Variants in ATG101 observed in about 807,000 individuals in gnomAD.
ATG101 encodes autophagy related 101, also known as autophagy-related protein 101.
ATG101 carries 6 observed loss-of-function variants against 16.7 expected under a neutral mutation model. That is an observed-to-expected ratio of 0.36 (90% CI 0.20 to 0.71). The LOEUF (loss-of-function observed/expected upper bound fraction) is 0.71, where lower values mean the gene tolerates loss of function less well. ATG101 is among the 30% of genes least tolerant of loss of function. The pLI, the probability that ATG101 is intolerant of heterozygous loss-of-function variation, is 0.57. For missense variants in ATG101, 200 were observed against 292.5 expected (o/e 0.68, Z 2.31); for synonymous variants, 108 against 118.1 (o/e 0.91, Z 0.56).
upstream of ATG101, among the ~76,000 whole-genome samples, chr12:52,065,860 C>T (rs762203221): frequency 2.6e-5 from 4 of 152,098 alleles, no homozygotes; most frequent in Admixed American, 2.6e-4. Context: ...ACATATGTGG[C>T]GGCAGAAAGA....
chr12:52,070,021 C>T lies in ATG101; in HGVS notation c.-428C>T, dbSNP rs574007179. On this transcript the variant is annotated 5_prime_UTR_variant, in exon 1 of 4. Coordinates refer to ENST00000336854, the MANE Select transcript of ATG101 (RefSeq NM_021934.5). ...CCGACCCAGGTGGTCTGGAGCCTGCCGGGAGAGTGGTGGCATCTGAGAGGC... is the reference window on the plus strand; with the variant it reads ...CCGACCCAGGTGGTCTGGAGCCTGCTGGGAGAGTGGTGGCATCTGAGAGGC... 1.9e-3 allele frequency: 294 copies of T among 152,506 alleles called. No homozygotes were observed. Among genetic ancestry groups the T allele is most frequent in the Non-Finnish European group, 3.4e-3 (235 of 68,224 alleles). The allele number at this position is 152,506 out of a possible 1,614,324, so 9.4% of individuals were successfully genotyped here. A position where few individuals can be genotyped will look rare whatever the true frequency, so the allele number is the denominator to read the frequency against.
intron 3 of ATG101, 52 bp from the exon 4 acceptor site, chr12:52,076,734 A>G (rs1666917627): frequency 6.3e-7 from 1 of 1,580,654 alleles, no homozygotes; most frequent in African/African-American, 1.3e-5. Flanking sequence ...GCAGGCCCTC[A>G]CAGGTGGGAA....
chr12:52,074,169 G>A (rs1159906216), intron 3 of ATG101, among the ~76,000 whole-genome samples: 3 of 152,228 alleles, frequency 2.0e-5, no homozygotes, highest in East Asian at 1.9e-4. Context: ...CAGTGTTGGC[G>A]GCCAGGTCCC....
At chr12:52,065,820 C>T (rs1260791747), upstream of ATG101, among the ~76,000 whole-genome samples, 1 of 152,184 alleles carries the variant, frequency 6.6e-6, no homozygotes, top group Non-Finnish European at 1.5e-5. Flanking sequence ...CATAGACACA[C>T]ATAATGTAGA....
At chr12:52,069,363 T>A (rs1276524049), upstream of ATG101, 1 of 152,258 alleles carries the variant, frequency 6.6e-6, no homozygotes, top group Admixed American at 6.5e-5. Context: ...AAGGCAACAC[T>A]GAGAGATGAA....
In ATG101 at chr12:52,070,389, A is replaced by C. The variant is rs1333631038; in HGVS notation, c.-171A>C. ...GTGGCTCAGCGCCGTGCGGAGGTTG[A>C]AGCGTACCTGCGGAGGTCGCACCAG... On this transcript the variant is annotated 5_prime_UTR_variant, in exon 2 of 4. Coordinates refer to ENST00000336854, the MANE Select transcript of ATG101 (RefSeq NM_021934.5). The C allele has an allele frequency of 6.5e-6, 1 of 152,898 alleles. No individual in the cohort carries two copies. Among genetic ancestry groups the C allele is most frequent in the Non-Finnish European group, 1.5e-5 (1 of 68,276 alleles). The allele number at this position is 152,898 out of a possible 1,614,324, so 9.5% of individuals were successfully genotyped here. A position where few individuals can be genotyped will look rare whatever the true frequency, so the allele number is the denominator to read the frequency against.
rs1322990046 is a variant in ATG101, at chr12:52,077,270, C to T, written c.*80C>T. On this transcript the variant is annotated 3_prime_UTR_variant, in exon 4 of 4. Coordinates refer to ENST00000336854, the MANE Select transcript of ATG101 (RefSeq NM_021934.5). The stretch of plus-strand genomic sequence containing the variant: ...AATTGCACTTTTGGGCCTTTGGGCT[C>T]TGGAACCTGCTCTGGGTCATTGGTG... 1 of 1,473,970 alleles carries T rather than the reference C, an allele frequency of 6.8e-7. No individual in the cohort carries two copies. The highest frequency in any genetic ancestry group is 1.4e-5 in the African/African-American group (1 of 71,448). 91.3% of individuals were successfully genotyped at this position (1,473,970 alleles called of 1,614,324 possible).
upstream of ATG101, among the ~76,000 whole-genome samples, chr12:52,067,504 A>G (rs1436488132): frequency 1.3e-5 from 2 of 152,212 alleles, no homozygotes; most frequent in Admixed American, 1.3e-4. Flanking sequence ...CCATAGTGGC[A>G]AAGAGCTTTC....
At chr12:52,075,851 C>CT (rs1034211604) in intron 3 of ATG101, among the ~76,000 whole-genome samples, 12 of 152,178 alleles carry the variant, frequency 7.9e-5, no homozygotes, top group African/African-American at 2.9e-4. Flanking sequence ...ACAGTTCCCT[C>CT]TTCCTTAGCT....
chr12:52,070,048 G>A lies in ATG101; in HGVS notation c.-401G>A, dbSNP rs1939616351. 1 of 152,520 alleles carries A rather than the reference G, an allele frequency of 6.6e-6. No homozygotes were observed. The highest frequency in any genetic ancestry group is 1.5e-5 in the Non-Finnish European group (1 of 68,198). 9.4% of individuals were successfully genotyped at this position (152,520 alleles called of 1,614,324 possible). A position where few individuals can be genotyped will look rare whatever the true frequency, so the allele number is the denominator to read the frequency against. Reference sequence around the variant, plus strand: ...GGAGAGTGGTGGCATCTGAGAGGCTGGTCGTGGACTGTGGTTGGGGGAGGT... The same window carrying A: ...GGAGAGTGGTGGCATCTGAGAGGCTAGTCGTGGACTGTGGTTGGGGGAGGT... On this transcript the variant is annotated 5_prime_UTR_variant, in exon 1 of 4. Coordinates refer to ENST00000336854, the MANE Select transcript of ATG101 (RefSeq NM_021934.5).
chr12:52,077,219 A>G lies in ATG101; in HGVS notation c.*29A>G. On this transcript the variant is annotated 3_prime_UTR_variant, in exon 4 of 4. Transcript: ENST00000336854. ...TCGCTGGATCTCTGGGAGCTCCTTGATGGCTCCCAGACCTTGGCTTTTGGG... is the reference window on the plus strand; with the variant it reads ...TCGCTGGATCTCTGGGAGCTCCTTGGTGGCTCCCAGACCTTGGCTTTTGGG... The G allele has an allele frequency of 6.2e-7, 1 of 1,603,630 alleles. No homozygotes were observed. The highest frequency in any genetic ancestry group is 1.7e-5 in the Admixed American group (1 of 59,644).
Position 52,073,852 on chromosome 12 carries a change from T to A in ATG101, c.202T>A (p.Ser68Thr). 1.2e-6 allele frequency: 2 copies of A among 1,614,238 alleles called. No homozygotes were observed. Among genetic ancestry groups the A allele is most frequent in the Non-Finnish European group, 1.7e-6 (2 of 1,180,034 alleles). ...DFIDFTYVRV[S>T]SEELDRALRK... Reference sequence around the variant, plus strand: ...CATCGACTTCACTTATGTGCGTGTCTCTTCTGAGGAACTGGATCGTGCCCT... The same window carrying A: ...CATCGACTTCACTTATGTGCGTGTCACTTCTGAGGAACTGGATCGTGCCCT... The change falls in exon 3 of 4, where the codon TCT becomes ACT. Residue 68 changes from serine (S) to threonine (T), a missense_variant. Coordinates refer to ENST00000336854, the MANE Select transcript of ATG101 (RefSeq NM_021934.5).
intron 3 of ATG101, 132 bp from the exon 4 acceptor site, chr12:52,076,654 A>C: frequency 9.0e-7 from 1 of 1,111,016 alleles, no homozygotes; most frequent in Non-Finnish European, 1.3e-6. Flanking sequence ...ACCCTCTCCC[A>C]GTCTTGTTTC....
chr12:52,067,104 G>C (rs899366327), upstream of ATG101, among the ~76,000 whole-genome samples: 2 of 152,198 alleles, frequency 1.3e-5, no homozygotes, highest in Non-Finnish European at 2.9e-5. Flanking sequence ...GAAGGGAAGA[G>C]GATAGGGAGC....
Position 52,073,828 on chromosome 12 carries a change from A to G in ATG101, c.178A>G (p.Ile60Val), listed in dbSNP as rs1392259644. Reference protein sequence around the residue: ...VGTQDVDCDFIDFTYVRVSSE... With the variant: ...VGTQDVDCDFVDFTYVRVSSE... ...CACCCAGGATGTTGACTGTGACTTCATCGACTTCACTTATGTGCGTGTCTC... is the reference window on the plus strand; with the variant it reads ...CACCCAGGATGTTGACTGTGACTTCGTCGACTTCACTTATGTGCGTGTCTC... Residue 60 changes from isoleucine to valine, a missense_variant, in exon 3 of 4, where the codon ATC (isoleucine) becomes GTC (valine). Ile to Val is a conservative substitution (Grantham distance 29, BLOSUM62 3). Transcript: ENST00000336854. 6.2e-7 allele frequency: 1 copy of G among 1,614,090 alleles called. No homozygotes were observed. Among genetic ancestry groups the G allele is most frequent in the African/African-American group, 1.3e-5 (1 of 74,920 alleles).
Position 52,073,582 on chromosome 12 carries a change from C to T in ATG101, c.-69C>T. 6.4e-7 allele frequency: 1 copy of T among 1,565,644 alleles called. No homozygotes were observed. Among genetic ancestry groups the T allele is most frequent in the African/African-American group, 1.4e-5 (1 of 73,722 alleles). ...CCTGGGCTCCTTTTGCAGGGTGGCC[C>T]TTGGGTAGGGTGAAGATCCCCTGTC... On this transcript the variant is annotated 5_prime_UTR_variant, in exon 3 of 4. Transcript: ENST00000336854.
chr12:52,075,064 C>G (rs1478701471), intron 3 of ATG101, among the ~76,000 whole-genome samples: 1 of 152,214 alleles, frequency 6.6e-6, no homozygotes, highest in East Asian at 1.9e-4. Context: ...CTGAAGGCAT[C>G]TGCTCTGGGG....
chr12:52,067,753 AT>A (rs60759494), upstream of ATG101, among the ~76,000 whole-genome samples: 210 of 140,568 alleles, frequency 1.5e-3, no homozygotes, highest in Middle Eastern at 0.022. Flanking sequence ...AAGCTTGGCT[AT>A]TTTTTTTTTT....
Position 52,076,978 on chromosome 12 carries a change from T to C in ATG101, c.445T>C (p.Cys149Arg), listed in dbSNP as rs778705816. Residue 149 changes from cysteine (C) to arginine (R), a missense_variant, in exon 4 of 4, where the codon TGC (cysteine) becomes CGC (arginine). Physicochemically the swap from Cys to Arg is radical, Grantham distance 180. Coordinates refer to ENST00000336854, the MANE Select transcript of ATG101 (RefSeq NM_021934.5). ...CCGGGAGAAGGTGGGTGAGAAACTC[T>C]GCGAGAAGATCATCAACATCGTGGA... Reference protein sequence around the residue: ...ICREKVGEKLCEKIINIVEVM... With the variant: ...ICREKVGEKLREKIINIVEVM... 15 of 1,614,196 alleles carry C rather than the reference T, an allele frequency of 9.3e-6. No individual in the cohort carries two copies. In the East Asian group the frequency reaches 2.9e-4, roughly 31 times the overall value.
Sources: gnomAD v4.1 joint callset for allele counts (sites outside exome capture counted in the v4.1 genomes callset) on GRCh38, gnomAD v4.1.1 for gene constraint, MANE v1.5 for transcripts, NCBI Gene and HGNC (gene_info 2026-07-23, HGNC 2026-07-21) for gene names.